Variants in SLC38A2 observed in about 807,000 individuals in gnomAD.
The protein encoded by SLC38A2 is sodium-coupled neutral amino acid symporter 2.
In SLC38A2, 11 loss-of-function variants were observed where a neutral mutation model predicts 61.5. That is an observed-to-expected ratio of 0.18 (90% confidence interval 0.11 to 0.30). The LOEUF (loss-of-function observed/expected upper bound fraction) is 0.30. Among genes scored for constraint, SLC38A2 ranks in the 10% least tolerant of loss-of-function variants. SLC38A2 has a pLI of 1.00. For missense variants in SLC38A2, 522 were observed against 600.4 expected, an observed-to-expected ratio of 0.87 and a Z score of 1.36; for synonymous variants, 217 against 212.5, an observed-to-expected ratio of 1.02 and a Z score of -0.18.
At chr12:46,371,046 A>G in intron 2 of SLC38A2, 132 bp downstream of exon 2, 2 of 886,172 alleles carry the variant, frequency 2.3e-6, no homozygotes, top group South Asian at 2.8e-5. Context: ...AGATAATCGG[A>G]TACTCTTTCA....
rs2120570003 is a variant in SLC38A2 at position 46,370,547 on chromosome 12, A to G, written c.279T>C (p.Ser93=). Residue 93 remains serine, a synonymous_variant, in exon 4 of 16, where the codon TCT becomes TCC. Coordinates refer to ENST00000256689, the MANE Select transcript of SLC38A2 (RefSeq NM_018976.5). ...CAATTCCAGTATTAGCCATGGCATA[A>G]GAAAGCCCAAGGATTCCACTGCCCA... ...AIVGSGILGL[S]YAMANTGIAL... is the part of the protein sequence containing the mutation. The G allele has an allele frequency of 6.2e-7, 1 of 1,614,182 alleles. No homozygotes were observed. The highest frequency in any genetic ancestry group is 2.2e-5 in the East Asian group (1 of 44,870).
chr12:46,364,154 G>A, intron 10 of SLC38A2, 151 bp from the exon 11 acceptor site: 1 of 768,892 alleles, frequency 1.3e-6, no homozygotes, highest in South Asian at 2.0e-5. Context: ...TGTTCATGAA[G>A]TATGATCAAT....
intron 15 of SLC38A2, chr12:46,362,040 C>G: frequency 2.6e-6 from 1 of 385,664 alleles, no homozygotes; most frequent in Non-Finnish European, 4.7e-6. Flanking sequence ...AGTCTTCATC[C>G]CTATTCCTAT....
In SLC38A2 at chr12:46,372,504, G is replaced by C. The variant is rs1202531307; in HGVS notation, c.-87+5C>G. ...TTCCCACAGACGCCCCCCCGCACGC[G>C]TTACCTCGGTGGTCTCTATTCTCAC... On this transcript the variant is annotated splice_donor_5th_base_variant and intron_variant, in intron 1 of 15. Coordinates refer to ENST00000256689, the MANE Select transcript of SLC38A2 (RefSeq NM_018976.5). The C allele has an allele frequency of 2.8e-6, 1 of 363,004 alleles. No individual in the cohort carries two copies. Among genetic ancestry groups the C allele is most frequent in the East Asian group, 3.9e-5 (1 of 25,902 alleles). 22.5% of individuals were successfully genotyped at this position (363,004 alleles called of 1,614,324 possible). A position where few individuals can be genotyped will look rare whatever the true frequency, so the allele number is the denominator to read the frequency against.
chr12:46,364,186 A>G (rs1267297056), intron 10 of SLC38A2, among the ~76,000 whole-genome samples, 183 bp from the exon 11 acceptor site: 1 of 152,070 alleles, frequency 6.6e-6, no homozygotes, highest in African/African-American at 2.4e-5. Flanking sequence ...TGAATGTGTC[A>G]ATTATTAGCA....
chr12:46,364,816 A>C, intron 8 of SLC38A2, 114 bp from the exon 9 acceptor site: 10 of 942,560 alleles, frequency 1.1e-5, no homozygotes, highest in South Asian at 1.6e-5. Flanking sequence ...GCACTAAAGT[A>C]TGTGTATAGC....
chr12:46,362,369 G>C lies in SLC38A2; in HGVS notation c.1337C>G (p.Ala446Gly). 1 of 1,610,746 alleles carries C rather than the reference G, an allele frequency of 6.2e-7. No individual in the cohort carries two copies. Among genetic ancestry groups the C allele is most frequent in the Non-Finnish European group, 8.5e-7 (1 of 1,178,634 alleles). Residue 446 changes from alanine (A) to glycine (G), a missense_variant, in exon 15 of 16, where the codon GCT (alanine) becomes GGT (glycine). This residue lies in a region of SLC38A2 where 309 missense variants were observed against 343.9 expected (regional missense o/e 0.90). Coordinates refer to ENST00000256689, the MANE Select transcript of SLC38A2 (RefSeq NM_018976.5). The stretch of plus-strand genomic sequence containing the variant: ...AGGAAGAATAAAAATCAACATAGAA[G>C]CTGCAGATGCACCTGTAAAACAACA... ...DIFGFIGASA[A>G]SMLIFILPSA...
chr12:46,363,609 T>C (rs1333953667), intron 12 of SLC38A2, 117 bp downstream of exon 12: 6 of 599,368 alleles, frequency 1.0e-5, no homozygotes, highest in South Asian at 5.5e-5. Flanking sequence ...ATATGAAATA[T>C]ATTAAAACAG....
intron 9 of SLC38A2, 27 bp downstream of exon 9, chr12:46,364,617 T>G: frequency 7.5e-6 from 12 of 1,595,842 alleles, no homozygotes; most frequent in Non-Finnish European, 1.0e-5. Flanking sequence ...TATAAAAAAT[T>G]TTTTCTAAAA....
At chr12:46,371,639 T>G in intron 1 of SLC38A2, 1 of 266,256 alleles carries the variant, frequency 3.8e-6, no homozygotes, top group East Asian at 1.2e-4. Flanking sequence ...TCACCCTCTC[T>G]ATTGTCCCTC....
intron 7 of SLC38A2, among the ~76,000 whole-genome samples, chr12:46,366,280 A>C (rs1232222935): frequency 6.6e-6 from 1 of 152,174 alleles, no homozygotes; most frequent in Non-Finnish European, 1.5e-5. Context: ...GATGGCACTG[A>C]AGTCTAAACA....
In SLC38A2 at chr12:46,365,697, GC is replaced by G. The variant is rs554337542; in HGVS notation, c.564-509del. Among the ~76,000 whole-genome samples the G allele has an allele frequency of 2.5e-3, 384 of 151,224 alleles. 2 individuals are homozygous for G. The highest frequency in any genetic ancestry group is 8.6e-3 in the African/African-American group (356 of 41,210). ...TTTTCATAAAATGCACAGGCAAACT[GC>G]CCCCCCCATAAAAAAAATTATAAAA... On this transcript the variant is annotated intron_variant, in intron 7 of 15. Transcript: ENST00000256689.
At chr12:46,364,065 G>C in intron 10 of SLC38A2, 62 bp from the exon 11 acceptor site, 6 of 1,354,308 alleles carry the variant, frequency 4.4e-6, no homozygotes, top group Non-Finnish European at 6.1e-6. Context: ...TCACATTTCC[G>C]CAGCATATAT....
chr12:46,367,150 T>C lies in SLC38A2; in HGVS notation c.407A>G (p.Gln136Arg). The change falls in exon 6 of 16, where the codon CAA (glutamine) becomes CGA (arginine). Residue 136 changes from glutamine to arginine, a missense_variant. Around this residue, in one of 3 missense-constraint regions of SLC38A2, gnomAD observed 111 missense variants for 173.4 expected, o/e 0.64. Transcript: ENST00000256689. ...ANEGGSLLYEQLGYKAFGLVG... is the reference protein window; with the variant it reads ...ANEGGSLLYERLGYKAFGLVG... ...TAATCCAAATGCCTTATATCCCAAT[T>C]GTTCATATAATAAAGACCCTACAAT... 1 of 1,613,918 alleles carries C rather than the reference T, an allele frequency of 6.2e-7. No homozygotes were observed. Among genetic ancestry groups the C allele is most frequent in the Non-Finnish European group, 8.5e-7 (1 of 1,179,798 alleles).
intron 14 of SLC38A2, 32 bp from the exon 15 acceptor site, chr12:46,362,413 T>TCA: frequency 6.3e-7 from 1 of 1,598,686 alleles, no homozygotes; most frequent in Non-Finnish European, 8.5e-7. Flanking sequence ...TCTTGAGGAT[T>TCA]CAATGAACCA....
rs1184598835 is a variant in SLC38A2, at chr12:46,365,172, C to T, written c.581G>A (p.Gly194Glu). The stretch of plus-strand genomic sequence containing the variant: ...TGACACCAACAGAACCAAATAGTTC[C>T]CGTTCAGATACCACAATCTAAAGAA... ...EDKTGLWYLN[G>E]NYLVLLVSLV... Residue 194 changes from glycine (G) to glutamate (E), a missense_variant, in exon 8 of 16, where the codon GGG becomes GAG. By Grantham distance (98) the Gly-to-Glu change is moderately conservative (BLOSUM62 -2). Around this residue, in one of 3 missense-constraint regions of SLC38A2, gnomAD observed 111 missense variants for 173.4 expected, o/e 0.64. Transcript: ENST00000256689. The T allele has an allele frequency of 6.2e-7, 1 of 1,613,274 alleles. No homozygotes were observed. Among genetic ancestry groups the T allele is most frequent in the Admixed American group, 1.7e-5 (1 of 59,926 alleles).
chr12:46,362,478 ACTTT>A lies in SLC38A2; in HGVS notation c.1324+12_1324+15del. ...CCCTGATGTTTGAATCCACTTGGAT[ACTTT>A]CTAAAACTTACCAATAAAACCAAAG... is the stretch of plus-strand genomic sequence containing the variant. On this transcript the variant is annotated intron_variant, in intron 14 of 15. Coordinates refer to ENST00000256689, the MANE Select transcript of SLC38A2 (RefSeq NM_018976.5). 2.5e-6 allele frequency: 4 copies of A among 1,589,620 alleles called. No homozygotes were observed. Among genetic ancestry groups the A allele is most frequent in the Non-Finnish European group, 3.4e-6 (4 of 1,172,698 alleles).
intron 1 of SLC38A2, among the ~76,000 whole-genome samples, chr12:46,372,006 C>T (rs1943208624): frequency 6.6e-6 from 1 of 152,050 alleles, no homozygotes; most frequent in South Asian, 2.1e-4. Context: ...GCAGCTGGCC[C>T]GCGAGTGCTA....
intron 7 of SLC38A2, among the ~76,000 whole-genome samples, chr12:46,366,216 C>G (rs1008162057): frequency 2.0e-5 from 3 of 152,088 alleles, no homozygotes; most frequent in Non-Finnish European, 2.9e-5. Context: ...TGCTTGGGAC[C>G]GAAGTGTTTT....
Sources: allele counts gnomAD v4.1 joint callset (sites outside exome capture counted in the v4.1 genomes callset), GRCh38; gene constraint gnomAD v4.1.1; regional missense constraint gnomAD v4.1.1; transcripts MANE v1.5; gene names NCBI Gene and HGNC (gene_info 2026-07-23, HGNC 2026-07-21).